The following CHODL variants were observed in gnomAD, a reference collection of about 807,000 sequenced individuals.
The protein encoded by CHODL is transmembrane protein MT75.
A neutral mutation model predicts 34.5 loss-of-function variants in CHODL; 29 were observed. The observed-to-expected ratio is 0.84, with a 90% CI of 0.63 to 1.15. The LOEUF (loss-of-function observed/expected upper bound fraction) is 1.15. Among genes scored for constraint, CHODL ranks in the 50% most tolerant of loss-of-function variants. The probability of loss-of-function intolerance (pLI) is 0.00; values close to 1 mark genes in which losing one functional copy is unlikely to be tolerated. For missense variants in CHODL, 332 were observed against 332.5 expected, an observed-to-expected ratio of 1.00 and a Z score of 0.01; for synonymous variants, 125 against 116.1, an observed-to-expected ratio of 1.08 and a Z score of -0.49.
Position 17,931,138 on chromosome 21 carries a change from C to T in CHODL, c.-145+13738C>T, listed in dbSNP as rs11910312. Among the ~76,000 whole-genome samples the T allele has an allele frequency of 6.0e-3, 919 of 152,270 alleles. 6 individuals are homozygous for T. Among genetic ancestry groups the T allele is most frequent in the African/African-American group, 0.021 (877 of 41,542 alleles). On this transcript the variant is annotated intron_variant, in intron 1 of 6. Transcript: ENST00000400127. ...CACCAGGAGCTCCCTCAGTCACTCC[C>T]GTCAGAGCTGGTGCCTGTGCTCCTC...
At chr21:17,943,283 T>A (rs1371617686) in intron 1 of CHODL, among the ~76,000 whole-genome samples, 2 of 152,214 alleles carry the variant, frequency 1.3e-5, no homozygotes, top group African/African-American at 4.8e-5. Context: ...GGGAAGAAAT[T>A]CTGCTCTATG....
intron 2 of CHODL, among the ~76,000 whole-genome samples, chr21:18,038,593 C>T: frequency 6.6e-6 from 1 of 151,564 alleles, no homozygotes; most frequent in East Asian, 1.9e-4. Context: ...ATTATTGAAA[C>T]TAAGTTTAGA....
chr21:18,023,346 C>A (rs1311680929), intron 1 of CHODL, among the ~76,000 whole-genome samples: 1 of 152,106 alleles, frequency 6.6e-6, no homozygotes, highest in Admixed American at 6.6e-5. Flanking sequence ...ATGAGCCAGA[C>A]TGAGAGGGAT....
At chr21:18,133,805 TC>T (rs141314873) in intron 2 of CHODL, among the ~76,000 whole-genome samples, 4 of 152,258 alleles carry the variant, frequency 2.6e-5, no homozygotes, top group African/African-American at 4.8e-5. Context: ...AACATGAAGC[TC>T]ACACTCATAC....
At chr21:18,130,736 G>C (rs2072644286) in intron 2 of CHODL, among the ~76,000 whole-genome samples, 1 of 152,094 alleles carries the variant, frequency 6.6e-6, no homozygotes, top group Non-Finnish European at 1.5e-5. Flanking sequence ...CCAAATTTTA[G>C]TTTGGCAAAT....
chr21:18,021,007 A>G (rs2146425480), intron 1 of CHODL, among the ~76,000 whole-genome samples: 1 of 152,298 alleles, frequency 6.6e-6, no homozygotes, highest in South Asian at 2.1e-4. Flanking sequence ...ATGGAGAATT[A>G]TAGAGAACTG....
chr21:18,038,876 A>T (rs1185306283), intron 2 of CHODL, among the ~76,000 whole-genome samples: 1 of 151,722 alleles, frequency 6.6e-6, no homozygotes, highest in South Asian at 2.1e-4. Context: ...TCCCTTTTCA[A>T]TGTCATCTTA....
At chr21:18,090,279 C>T (rs1365863465) in intron 2 of CHODL, among the ~76,000 whole-genome samples, 1 of 152,064 alleles carries the variant, frequency 6.6e-6, no homozygotes, top group Non-Finnish European at 1.5e-5. Flanking sequence ...ATAGGGGTAC[C>T]TAGAGTGGAT....
chr21:18,179,935 T>TA (rs2073362013), intron 2 of CHODL, among the ~76,000 whole-genome samples: 1 of 152,180 alleles, frequency 6.6e-6, no homozygotes, highest in Admixed American at 6.5e-5. Context: ...TTGGAGTGAC[T>TA]ATAGGGTAGA....
chr21:17,977,087 C>T (rs1016785209), intron 1 of CHODL, among the ~76,000 whole-genome samples: 1 of 152,172 alleles, frequency 6.6e-6, no homozygotes, highest in Non-Finnish European at 1.5e-5. Flanking sequence ...GTGGATTCAG[C>T]ATTTCCTACG....
At chr21:18,130,742 C>G (rs2146594042) in intron 2 of CHODL, among the ~76,000 whole-genome samples, 1 of 152,218 alleles carries the variant, frequency 6.6e-6, no homozygotes, top group African/African-American at 2.4e-5. Context: ...TTTAGTTTGG[C>G]AAATGCTTTT....
intron 5 of CHODL, 120 bp from the exon 6 acceptor site, chr21:18,265,833 TA>T (rs376903046): frequency 0.039 from 26,908 of 696,810 alleles, 944 homozygotes; most frequent in East Asian, 0.15. Context: ...AATGGGAAAA[TA>T]TACTGCTGAG....
At chr21:18,028,177 A>G (rs2064197054) in intron 2 of CHODL, among the ~76,000 whole-genome samples, 1 of 151,718 alleles carries the variant, frequency 6.6e-6, no homozygotes, top group Admixed American at 6.6e-5. Context: ...GTTATTCCTT[A>G]TCACAGCACC....
intron 1 of CHODL, among the ~76,000 whole-genome samples, chr21:17,954,907 T>TATA (rs56221551): frequency 0.67 from 85,389 of 127,722 alleles, 34,567 homozygotes; most frequent in East Asian, 0.88. Flanking sequence ...TTTTATATAA[T>TATA]ATCTATAATT....
rs113407672 is a variant in CHODL, at chr21:18,195,094, G to A, written c.-44-61415G>A. Among the ~76,000 whole-genome samples, 621 of 149,398 alleles carry A rather than the reference G, an allele frequency of 4.2e-3. 1 individual carries two copies. Among genetic ancestry groups the A allele is most frequent in the African/African-American group, 0.013 (544 of 40,378 alleles). On this transcript the variant is annotated intron_variant, in intron 2 of 6. Coordinates refer to the CHODL transcript ENST00000400127. ...TTTTGACATGGAGTCTCTCTCTGTC[G>A]CCCAGGCTGGAGTGCAGTGGTGTGA...
chr21:18,069,804 C>T (rs2064774150), intron 2 of CHODL, among the ~76,000 whole-genome samples: 1 of 151,976 alleles, frequency 6.6e-6, no homozygotes, highest in Non-Finnish European at 1.5e-5. Flanking sequence ...AAGACAGAGT[C>T]TTGCTGTGTT....
chr21:18,152,016 GTGTGTGTGTT>G (rs1198802613), intron 2 of CHODL, among the ~76,000 whole-genome samples: 2 of 150,282 alleles, frequency 1.3e-5, no homozygotes, highest in African/African-American at 2.5e-5. Context: ...GTGTGTGTGT[GTGTGTGTGTT>G]TGTGTGTGTG....
intron 1 of CHODL, among the ~76,000 whole-genome samples, chr21:18,248,051 G>C (rs1657772197): frequency 1.3e-5 from 2 of 150,598 alleles, no homozygotes; most frequent in Non-Finnish European, 3.0e-5. Flanking sequence ...GCATAGCAGT[G>C]ATCCCCAACC....
intron 2 of CHODL, among the ~76,000 whole-genome samples, chr21:18,137,482 C>G: frequency 6.6e-6 from 1 of 152,092 alleles, no homozygotes; most frequent in East Asian, 1.9e-4. Context: ...TCAACAGGTG[C>G]CTTTCTCCCA....
Sources: gnomAD v4.1 joint callset for allele counts (sites outside exome capture counted in the v4.1 genomes callset) on GRCh38, gnomAD v4.1.1 for gene constraint, MANE v1.5 for transcripts, NCBI Gene and HGNC (gene_info 2026-07-23, HGNC 2026-07-21) for gene names.